The following BABAM2 variants were observed in gnomAD, a reference collection of about 807,000 sequenced individuals.
BABAM2 encodes BRISC and BRCA1-A complex member 2.
BABAM2 carries 31 observed loss-of-function variants against 54.7 expected under a neutral mutation model. The ratio of observed to expected loss-of-function variants is 0.57; its 90% CI spans 0.43 to 0.77. The LOEUF (loss-of-function observed/expected upper bound fraction) is 0.77. Among genes scored for constraint, BABAM2 ranks in the 30% least tolerant of loss-of-function variants. The probability of loss-of-function intolerance (pLI) is 0.00; values close to 1 mark genes in which losing one functional copy is unlikely to be tolerated. For synonymous variants in BABAM2, 167 were observed against 162.9 expected (o/e 1.03, Z -0.19); for missense variants, 364 against 455.8 (o/e 0.80, Z 1.83).
intron 6 of BABAM2, among the ~76,000 whole-genome samples, chr2:28,117,780 TG>T (rs1425841090): frequency 6.6e-6 from 1 of 152,052 alleles, no homozygotes; most frequent in Non-Finnish European, 1.5e-5. Context: ...CTTTACGGAT[TG>T]GGGCCTGGGG....
chr2:28,243,161 A>G (rs937088787), intron 9 of BABAM2, among the ~76,000 whole-genome samples: 1 of 152,196 alleles, frequency 6.6e-6, no homozygotes. Context: ...AAAAAGGACT[A>G]TATACTTGTC....
At chr2:28,194,456 T>G (rs950040006) in intron 7 of BABAM2, among the ~76,000 whole-genome samples, 1 of 152,124 alleles carries the variant, frequency 6.6e-6, no homozygotes, top group African/African-American at 2.4e-5. Flanking sequence ...TTTACATTGT[T>G]TTCTGCCAAG....
intron 2 of BABAM2, among the ~76,000 whole-genome samples, chr2:27,922,968 A>T (rs1667442372): frequency 6.6e-6 from 1 of 152,128 alleles, no homozygotes; most frequent in Non-Finnish European, 1.5e-5. Flanking sequence ...GCTTTTTCAT[A>T]CTTGTATAAG....
chr2:28,073,849 A>G (rs928534363), intron 6 of BABAM2, among the ~76,000 whole-genome samples: 25 of 152,270 alleles, frequency 1.6e-4, no homozygotes, highest in African/African-American at 5.5e-4. Context: ...GTACTCTTAC[A>G]AAGAGTGCTA....
chr2:28,132,142 C>CTTTT (rs371766527), intron 7 of BABAM2, among the ~76,000 whole-genome samples: 2 of 139,418 alleles, frequency 1.4e-5, no homozygotes, highest in African/African-American at 2.7e-5. Flanking sequence ...TCTTCTTCTT[C>CTTTT]TTTTTTTTTT....
At chr2:28,126,858 C>G (rs1192715442) in intron 6 of BABAM2, among the ~76,000 whole-genome samples, 4 of 146,700 alleles carry the variant, frequency 2.7e-5, no homozygotes, top group Non-Finnish European at 6.0e-5. Context: ...GATGGTATCT[C>G]ACTGTGGTTT....
intron 2 of BABAM2, among the ~76,000 whole-genome samples, chr2:27,903,553 T>C (rs888929156): frequency 6.6e-6 from 1 of 152,200 alleles, no homozygotes; most frequent in Non-Finnish European, 1.5e-5. Context: ...AGTTGAATCA[T>C]GAAATAGATG....
At position 27,978,824 on chromosome 2, in the gene BABAM2, A is replaced by G. The variant is rs146296931; in HGVS notation, c.206-9169A>G. On this transcript the variant is annotated intron_variant, in intron 3 of 11. Transcript: ENST00000379624. Reference sequence around the variant, plus strand: ...CACCCTCAAGTAGGCCCCAGTGTCTATTATTCCCCTCTTTGTGTCCATGTA... The same window carrying G: ...CACCCTCAAGTAGGCCCCAGTGTCTGTTATTCCCCTCTTTGTGTCCATGTA... 6.1e-3 allele frequency among the ~76,000 whole-genome samples: 920 copies of G among 151,992 alleles called. 6 individuals are homozygous for G. Among genetic ancestry groups the G allele is most frequent in the Admixed American group, 0.01 (153 of 15,280 alleles).
intron 5 of BABAM2, among the ~76,000 whole-genome samples, chr2:28,030,919 TC>T (rs1163691414): frequency 6.6e-6 from 1 of 152,206 alleles, no homozygotes; most frequent in African/African-American, 2.4e-5. Flanking sequence ...AGATATGCTC[TC>T]TGGGACATTA....
intron 11 of BABAM2, among the ~76,000 whole-genome samples, chr2:28,302,569 C>A (rs1361463815): frequency 1.3e-5 from 2 of 152,126 alleles, no homozygotes; most frequent in East Asian, 3.8e-4. Context: ...GCTGCTATGA[C>A]CAAGCCTTTT....
intron 2 of BABAM2, among the ~76,000 whole-genome samples, chr2:27,903,937 T>A (rs751232890): frequency 1.3e-5 from 2 of 152,202 alleles, no homozygotes; most frequent in African/African-American, 2.4e-5. Flanking sequence ...CGTTAGTGTA[T>A]CTGAATTGCC....
chr2:27,916,339 C>T (rs1215376325), intron 2 of BABAM2, among the ~76,000 whole-genome samples: 1 of 152,170 alleles, frequency 6.6e-6, no homozygotes, highest in Non-Finnish European at 1.5e-5. Flanking sequence ...ATAAAAATTA[C>T]TTCTTATAAA....
Position 28,323,041 on chromosome 2 carries a change from C to T in BABAM2, c.1089-15409C>T, listed in dbSNP as rs892608979. ...GCGGCAGGCCAAGGAGGGCTCTGCC[C>T]GTGGCTGTGAAAGCAGAGCCCCCCA... On this transcript the variant is annotated intron_variant, in intron 11 of 11. Transcript: ENST00000379624. Among the ~76,000 whole-genome samples the T allele has an allele frequency of 3.3e-5, 5 of 152,142 alleles. 1 individual carries two copies. Among genetic ancestry groups the T allele is most frequent in the Admixed American group, 1.3e-4 (2 of 15,268 alleles).
chr2:28,128,025 G>A (rs1272151581), intron 6 of BABAM2, among the ~76,000 whole-genome samples: 2 of 151,916 alleles, frequency 1.3e-5, no homozygotes, highest in Admixed American at 6.6e-5. Context: ...TGTTAGCCAG[G>A]ATGGTCTCGA....
chr2:28,090,022 A>G (rs1478896742), intron 6 of BABAM2, among the ~76,000 whole-genome samples: 1 of 152,146 alleles, frequency 6.6e-6, no homozygotes, highest in African/African-American at 2.4e-5. Context: ...CAGACAAGTT[A>G]GCAGAGCACA....
chr2:28,193,948 T>C lies in BABAM2; in HGVS notation c.681-43254T>C, dbSNP rs191208401. Among the ~76,000 whole-genome samples, 9 of 152,252 alleles carry C rather than the reference T, an allele frequency of 5.9e-5. No homozygotes were observed. In the East Asian group the frequency reaches 1.7e-3, roughly 29 times the overall value. ...ATCTGTGGGAGGCTGTGGTGCAGTT[T>C]GACAGGTGCTATGAGAGGAAAAGCA... is the stretch of plus-strand genomic sequence containing the variant. On this transcript the variant is annotated intron_variant, in intron 7 of 11. Coordinates refer to ENST00000379624, the MANE Select transcript of BABAM2 (RefSeq NM_199191.3).
chr2:28,290,443 C>T (rs1195456679), intron 10 of BABAM2, among the ~76,000 whole-genome samples: 1 of 152,150 alleles, frequency 6.6e-6, no homozygotes, highest in African/African-American at 2.4e-5. Context: ...TCCCAATGTT[C>T]CACAGCCTGA....
At chr2:28,003,729 A>G (rs554887517) in intron 4 of BABAM2, among the ~76,000 whole-genome samples, 2 of 152,234 alleles carry the variant, frequency 1.3e-5, no homozygotes, top group Non-Finnish European at 1.5e-5. Context: ...TGCAGGATCT[A>G]TGTATTTATT....
chr2:28,095,601 A>G (rs1359030703), intron 6 of BABAM2, among the ~76,000 whole-genome samples: 1 of 152,208 alleles, frequency 6.6e-6, no homozygotes, highest in Non-Finnish European at 1.5e-5. Flanking sequence ...TACCAGCCAG[A>G]CAAATAAATG....
Sources: allele counts gnomAD v4.1 joint callset (sites outside exome capture counted in the v4.1 genomes callset), GRCh38; gene constraint gnomAD v4.1.1; transcripts MANE v1.5; gene names NCBI Gene and HGNC (gene_info 2026-07-23, HGNC 2026-07-21).